Variants in PRDM5 observed in about 807,000 individuals in gnomAD.
PRDM5 encodes PR/SET domain 5.
In PRDM5, 56 loss-of-function variants were observed where a neutral mutation model predicts 81.2. The ratio of observed to expected loss-of-function variants is 0.69; its 90% CI spans 0.56 to 0.86. The LOEUF (loss-of-function observed/expected upper bound fraction) is 0.86, where lower values mean the gene tolerates loss of function less well. Ranked by LOEUF, PRDM5 falls within the 40% of genes least tolerant of loss-of-function variation. The probability of loss-of-function intolerance (pLI) is 0.00; values close to 1 mark genes in which losing one functional copy is unlikely to be tolerated. For missense variants in PRDM5, 697 were observed against 770.1 expected (o/e 0.91, Z 1.12); for synonymous variants, 267 against 256.4 (o/e 1.04, Z -0.39).
intron 2 of PRDM5, among the ~76,000 whole-genome samples, chr4:120,893,059 CG>C (rs1764229561): frequency 6.6e-6 from 1 of 152,142 alleles, no homozygotes; most frequent in South Asian, 2.1e-4. Flanking sequence ...CTCCAGGACC[CG>C]AGGTTTATTA....
chr4:120,717,811 T>C (rs1308510391), intron 14 of PRDM5, among the ~76,000 whole-genome samples: 3 of 152,254 alleles, frequency 2.0e-5, no homozygotes, highest in African/African-American at 4.8e-5. Flanking sequence ...GGTTGCTGTC[T>C]ATGGTTTACA....
intron 14 of PRDM5, among the ~76,000 whole-genome samples, chr4:120,712,547 C>T (rs1160245545): frequency 6.6e-6 from 1 of 152,172 alleles, no homozygotes; most frequent in Non-Finnish European, 1.5e-5. Flanking sequence ...TCAGGGATGA[C>T]AGCTCCCTCA....
intron 10 of PRDM5, among the ~76,000 whole-genome samples, chr4:120,793,892 TG>T (rs1207952465): frequency 3.3e-5 from 5 of 152,292 alleles, no homozygotes; most frequent in African/African-American, 1.2e-4. Flanking sequence ...AACATTACAT[TG>T]TACACCATAA....
At chr4:120,798,504 T>G in intron 9 of PRDM5, 80 bp from the exon 10 acceptor site, 2 of 1,292,008 alleles carry the variant, frequency 1.5e-6, no homozygotes, top group South Asian at 2.7e-5. Flanking sequence ...TACCTTATAT[T>G]ACTTCTTACG....
chr4:120,889,683 G>A (rs889995057), intron 2 of PRDM5, among the ~76,000 whole-genome samples: 1 of 152,136 alleles, frequency 6.6e-6, no homozygotes, highest in African/African-American at 2.4e-5. Flanking sequence ...TGTGGCTTGG[G>A]AAATAAGCAT....
chr4:120,758,240 T>G (rs1205208904), intron 13 of PRDM5, among the ~76,000 whole-genome samples: 6 of 152,294 alleles, frequency 3.9e-5, no homozygotes. Flanking sequence ...AAATATGCTA[T>G]TGGTTCTTTT....
At chr4:120,829,828 G>T (rs1756491760) in intron 3 of PRDM5, among the ~76,000 whole-genome samples, 1 of 151,924 alleles carries the variant, frequency 6.6e-6, no homozygotes, top group South Asian at 2.1e-4. Context: ...ACAATGCAAG[G>T]GCTTATAAAT....
At chr4:120,760,010 C>T (rs1327918296) in intron 13 of PRDM5, among the ~76,000 whole-genome samples, 8 of 152,106 alleles carry the variant, frequency 5.3e-5, no homozygotes, top group Non-Finnish European at 8.8e-5. Flanking sequence ...ATTCATATCC[C>T]TAGTTTACAA....
At chr4:120,806,115 A>G (rs1255980285) in intron 8 of PRDM5, among the ~76,000 whole-genome samples, 1 of 152,188 alleles carries the variant, frequency 6.6e-6, no homozygotes, top group East Asian at 1.9e-4. Context: ...CAAAGAGAAT[A>G]AAATACCTAG....
At position 120,747,242 on chromosome 4, in the gene PRDM5, C is replaced by T. The variant is rs866543611; in HGVS notation, c.1623+7311G>A. On this transcript the variant is annotated intron_variant, in intron 14 of 15. Transcript: ENST00000264808. ...AGGTGGGAATTGAACAATGAGATCA[C>T]ATGGACACAGGAAGGGGAACATCAC... Among the ~76,000 whole-genome samples, 7 of 140,476 alleles carry T rather than the reference C, an allele frequency of 5.0e-5. No individual in the cohort carries two copies. The South Asian group carries it at 1.4e-3, about 27-fold the overall frequency. The allele number at this position is 140,476 out of a possible 152,430, so 92.2% of individuals were successfully genotyped here. A position where few individuals can be genotyped will look rare whatever the true frequency, so the allele number is the denominator to read the frequency against.
At chr4:120,729,730 T>C (rs568417919) in intron 14 of PRDM5, among the ~76,000 whole-genome samples, 5 of 152,342 alleles carry the variant, frequency 3.3e-5, no homozygotes, top group Non-Finnish European at 7.3e-5. Context: ...ACATGAAATA[T>C]CTCTTCCTGG....
intron 3 of PRDM5, among the ~76,000 whole-genome samples, chr4:120,831,521 T>C (rs1163014058): frequency 6.6e-6 from 1 of 152,074 alleles, no homozygotes; most frequent in Non-Finnish European, 1.5e-5. Context: ...GTAAGAAAAA[T>C]TCAATTGTTT....
chr4:120,798,405 G>C lies in PRDM5; in HGVS notation c.1050C>G (p.Cys350Trp). 1 of 1,608,992 alleles carries C rather than the reference G, an allele frequency of 6.2e-7. No homozygotes were observed. Among genetic ancestry groups the C allele is most frequent in the Non-Finnish European group, 8.5e-7 (1 of 1,176,542 alleles). The change falls in exon 10 of 16, where the codon TGC (cysteine) becomes TGG (tryptophan). Residue 350 changes from cysteine (C) to tryptophan (W), a missense_variant. This residue lies in a region of PRDM5 where 577 missense variants were observed against 606.7 expected (regional missense o/e 0.95). Coordinates refer to ENST00000264808, the MANE Select transcript of PRDM5 (RefSeq NM_018699.4). ...TCTTGAAAGACTTATTACAAATCTC[G>C]CAATTATAGGGTCGTTTTTCTATTA... ...ITHSEKRPYNCEICNKSFKRL... is the reference protein window; with the variant it reads ...ITHSEKRPYNWEICNKSFKRL...
In PRDM5 at chr4:120,904,615, T is replaced by C. The variant is rs189660117; in HGVS notation, c.177+2859A>G. Among the ~76,000 whole-genome samples the C allele has an allele frequency of 3.0e-3, 463 of 152,216 alleles. 3 individuals are homozygous for C. Among genetic ancestry groups the C allele is most frequent in the Non-Finnish European group, 4.9e-3 (331 of 68,022 alleles). ...GAGTGAGAGAGCTGGAGACAACTAG[T>C]GTGAAAACAAAATAATAATGCAAAG... is the stretch of plus-strand genomic sequence containing the variant. On this transcript the variant is annotated intron_variant, in intron 2 of 15. Coordinates refer to ENST00000264808, the MANE Select transcript of PRDM5 (RefSeq NM_018699.4).
At chr4:120,852,427 T>A (rs1178619203) in intron 3 of PRDM5, among the ~76,000 whole-genome samples, 1 of 151,988 alleles carries the variant, frequency 6.6e-6, no homozygotes, top group Non-Finnish European at 1.5e-5. Flanking sequence ...TCATGCTGAG[T>A]CCTGAATCAA....
chr4:120,739,986 G>A (rs1741679600), intron 14 of PRDM5, among the ~76,000 whole-genome samples: 1 of 152,210 alleles, frequency 6.6e-6, no homozygotes, highest in South Asian at 2.1e-4. Context: ...TGAAAGGAAA[G>A]TGATTTTTCA....
At chr4:120,897,997 G>T (rs1053832043) in intron 2 of PRDM5, among the ~76,000 whole-genome samples, 1 of 152,086 alleles carries the variant, frequency 6.6e-6, no homozygotes, top group Non-Finnish European at 1.5e-5. Context: ...TTCATGTCTA[G>T]TCATTTTTTA....
intron 13 of PRDM5, among the ~76,000 whole-genome samples, chr4:120,759,648 A>G (rs754948631): frequency 3.3e-5 from 5 of 152,272 alleles, no homozygotes; most frequent in Admixed American, 6.5e-5. Flanking sequence ...CCTGTGGAGA[A>G]CAAAAACTTA....
chr4:120,917,738 AAAG>A (rs1223417154), intron 1 of PRDM5, among the ~76,000 whole-genome samples: 1 of 151,664 alleles, frequency 6.6e-6, no homozygotes, highest in Non-Finnish European at 1.5e-5. Flanking sequence ...GATACCGTCG[AAAG>A]AAGTGTGAGA....
Sources: allele counts gnomAD v4.1 joint callset (sites outside exome capture counted in the v4.1 genomes callset), GRCh38; gene constraint gnomAD v4.1.1; regional missense constraint gnomAD v4.1.1; transcripts MANE v1.5; gene names NCBI Gene and HGNC (gene_info 2026-07-23, HGNC 2026-07-21).